The following PARP4 variants were observed in gnomAD, a reference collection of about 807,000 sequenced individuals.
PARP4 encodes the protein poly(ADP-ribose) polymerase family member 4.
In PARP4, 120 loss-of-function variants were observed where a neutral mutation model predicts 187.7. That is an observed-to-expected ratio of 0.64 (90% CI 0.55 to 0.74). PARP4 has a LOEUF of 0.74. PARP4 is among the 30% of genes least tolerant of loss of function. The pLI is 0.00. For synonymous variants in PARP4, 654 were observed against 740.9 expected (o/e 0.88, Z 1.90); for missense variants, 1,836 against 2,070.5 (o/e 0.89, Z 2.20).
At chr13:24,427,972 T>C (rs1346232436) in intron 32 of PARP4, among the ~76,000 whole-genome samples, 1 of 152,100 alleles carries the variant, frequency 6.6e-6, no homozygotes, top group Non-Finnish European at 1.5e-5. Flanking sequence ...ACCTAATGTG[T>C]ATCAGCGTCA....
intron 1 of PARP4, among the ~76,000 whole-genome samples, chr13:24,512,387 C>T (rs1282222332): frequency 6.6e-6 from 1 of 152,244 alleles, no homozygotes; most frequent in Non-Finnish European, 1.5e-5. Context: ...AGAAACAACG[C>T]GTGCTACTGC....
At chr13:24,497,758 A>G (rs910420426) in intron 6 of PARP4, among the ~76,000 whole-genome samples, 6 of 152,240 alleles carry the variant, frequency 3.9e-5, no homozygotes, top group African/African-American at 9.6e-5. Context: ...AAGTGAGATC[A>G]TAAGGGTGGG....
At chr13:24,475,791 CTTT>C (rs34628702) in intron 14 of PARP4, among the ~76,000 whole-genome samples, 195 bp from the exon 15 acceptor site, 18 of 148,178 alleles carry the variant, frequency 1.2e-4, no homozygotes, top group African/African-American at 4.5e-4. Flanking sequence ...TGCCTTCTGC[CTTT>C]TTTTTTTTGA....
chr13:24,507,175 G>A (rs1179664212), intron 1 of PARP4, among the ~76,000 whole-genome samples: 8 of 152,216 alleles, frequency 5.3e-5, no homozygotes, highest in African/African-American at 2.4e-5. Context: ...CCCCGGTTCC[G>A]TCCTGCGCCT....
At chr13:24,443,809 T>C (rs1871074659) in intron 27 of PARP4, 79 bp from the exon 28 acceptor site, 1 of 998,962 alleles carries the variant, frequency 1.0e-6, no homozygotes, top group South Asian at 1.3e-5. Flanking sequence ...ATTTTAAAAA[T>C]GGAGGTATAA....
At chr13:24,429,960 T>A (rs1432728262) in intron 32 of PARP4, among the ~76,000 whole-genome samples, 1 of 152,258 alleles carries the variant, frequency 6.6e-6, no homozygotes, top group African/African-American at 2.4e-5. Flanking sequence ...GAAATGCCTT[T>A]AGGTGACAAG....
chr13:24,451,466 GAGGCCACAGA>G (rs1252062646), intron 24 of PARP4, among the ~76,000 whole-genome samples: 1 of 152,118 alleles, frequency 6.6e-6, no homozygotes, highest in Non-Finnish European at 1.5e-5. Flanking sequence ...AGGGGTGTCG[GAGGCCACAGA>G]GGGACACTGG....
chr13:24,477,945 T>C, intron 13 of PARP4, 88 bp from the exon 14 acceptor site: 1 of 1,155,164 alleles, frequency 8.7e-7, no homozygotes, highest in Non-Finnish European at 1.2e-6. Flanking sequence ...GCATGTTTGC[T>C]AATTTAGAAA....
At chr13:24,454,184 G>A (rs527612011) in intron 22 of PARP4, among the ~76,000 whole-genome samples, 2 of 152,164 alleles carry the variant, frequency 1.3e-5, no homozygotes, top group Non-Finnish European at 2.9e-5. Context: ...TATGCAAAAT[G>A]TTGAGTCAAA....
At chr13:24,498,582 G>A (rs906932150) in intron 5 of PARP4, among the ~76,000 whole-genome samples, 25 of 152,066 alleles carry the variant, frequency 1.6e-4, no homozygotes, top group Admixed American at 7.2e-4. Context: ...TTGAAGGCTA[G>A]TGTCGATTTA....
chr13:24,421,576 A>G, intron 33 of PARP4, among the ~76,000 whole-genome samples: 1 of 152,258 alleles, frequency 6.6e-6, no homozygotes, highest in Non-Finnish European at 1.5e-5. Flanking sequence ...AGCACAGCTC[A>G]CGTTCCAGCC....
At chr13:24,472,891 GTTTTTTTTTT>G (rs3978786) in intron 15 of PARP4, among the ~76,000 whole-genome samples, 2 of 109,574 alleles carry the variant, frequency 1.8e-5, no homozygotes, top group African/African-American at 6.9e-5. Context: ...AACACCCTGA[GTTTTTTTTTT>G]TTTTTTTTTT....
rs1037655501 is a variant in PARP4, at chr13:24,490,872, C to G, written c.1054-44G>C. ...CACAGATGTCAGAATCACCACATAT[C>G]AAAATTAATATTTATATCACATTAA... is the stretch of plus-strand genomic sequence containing the variant. On this transcript the variant is annotated intron_variant, in intron 9 of 33. Transcript: ENST00000381989. The G allele has an allele frequency of 6.8e-6, 10 of 1,469,056 alleles. No homozygotes were observed. The African/African-American group carries it at 1.4e-4, about 21-fold the overall frequency. 91.0% of individuals were successfully genotyped at this position (1,469,056 alleles called of 1,614,324 possible). A position where few individuals can be genotyped will look rare whatever the true frequency, so the allele number is the denominator to read the frequency against.
intron 32 of PARP4, among the ~76,000 whole-genome samples, chr13:24,430,002 T>C (rs898310544): frequency 6.6e-6 from 1 of 152,254 alleles, no homozygotes; most frequent in Non-Finnish European, 1.5e-5. Context: ...CTAGTTGGCT[T>C]TCTTTCTTTC....
At chr13:24,439,473 C>A (rs764488015) in intron 30 of PARP4, among the ~76,000 whole-genome samples, 1 of 142,630 alleles carries the variant, frequency 7.0e-6, no homozygotes, top group Non-Finnish European at 1.5e-5. Flanking sequence ...CCCTCCAGAC[C>A]TTTTCTGTGA....
intron 6 of PARP4, 109 bp downstream of exon 6, chr13:24,498,007 A>G (rs1377099079): frequency 1.5e-6 from 1 of 676,902 alleles, no homozygotes; most frequent in Non-Finnish European, 2.6e-6. Context: ...TAGCAGCCTG[A>G]GCTAAGACAA....
chr13:24,449,853 T>A (rs780264973), intron 24 of PARP4, 36 bp from the exon 25 acceptor site: 1 of 1,305,206 alleles, frequency 7.7e-7, no homozygotes. Flanking sequence ...TTTGAAGACA[T>A]TAGAAATATT....
Position 24,459,046 on chromosome 13 carries a change from TTTGTTTC to T in PARP4, c.2415_2421del (p.Lys806SerfsTer17). On this transcript the variant is annotated frameshift_variant, in exon 20 of 34. Transcript: ENST00000381989. LOFTEE classifies it high-confidence loss of function. ...TAAGAAATCAAAGATGCACTAACCT[TTTGTTTC>T]AGTTCATGTGTATCACTGAAAATGA... The T allele has an allele frequency of 6.3e-7, 1 of 1,594,194 alleles. No homozygotes were observed.
In PARP4 at chr13:24,434,938, A is replaced by G; in HGVS notation, c.4203T>C (p.Phe1401=). The change falls in exon 31 of 34, where the codon TTT becomes TTC. Residue 1401 remains phenylalanine (F), a synonymous_variant. Transcript: ENST00000381989. ...PPSSPYCGIV[F]SGSSLSSAQS... is the part of the protein sequence containing the mutation. Reference sequence around the variant, plus strand: ...GTGCAGAGCTTAATGAGCTCCCTGAAAAAACAATGCCACAATAGGGTGAAG... The same window carrying G: ...GTGCAGAGCTTAATGAGCTCCCTGAGAAAACAATGCCACAATAGGGTGAAG... 6.2e-7 allele frequency: 1 copy of G among 1,614,018 alleles called. No individual in the cohort carries two copies. The highest frequency in any genetic ancestry group is 8.5e-7 in the Non-Finnish European group (1 of 1,179,944).
Sources: allele counts gnomAD v4.1 joint callset (sites outside exome capture counted in the v4.1 genomes callset), GRCh38; gene constraint gnomAD v4.1.1; transcripts MANE v1.5; gene names NCBI Gene and HGNC (gene_info 2026-07-23, HGNC 2026-07-21).